RAB8B: variants seen among roughly 807,000 people sequenced by gnomAD.
The protein encoded by RAB8B is ras-related protein Rab-8B.
A neutral mutation model predicts 32.0 loss-of-function variants in RAB8B; 11 were observed. That is an observed-to-expected ratio of 0.34 (90% CI 0.22 to 0.57). The LOEUF is 0.57. Ranked by LOEUF, RAB8B falls within the 20% of genes least tolerant of loss-of-function variation. The pLI, the probability that RAB8B is intolerant of heterozygous loss-of-function variation, is 0.86. For synonymous variants in RAB8B, 103 were observed against 89.6 expected (o/e 1.15, Z -0.85); for missense variants, 190 against 258.5 (o/e 0.73, Z 1.82).
chr15:63,236,131 G>A (rs1426715404), intron 1 of RAB8B, among the ~76,000 whole-genome samples: 2 of 152,042 alleles, frequency 1.3e-5, no homozygotes, highest in Non-Finnish European at 2.9e-5. Flanking sequence ...GATCTCTAAA[G>A]TACTTCTCAA....
chr15:63,264,815 A>T lies in RAB8B; in HGVS notation c.*1196A>T, dbSNP rs1173178145. The T allele has an allele frequency of 6.6e-6, 1 of 152,466 alleles. No individual in the cohort carries two copies. Among genetic ancestry groups the T allele is most frequent in the Non-Finnish European group, 1.5e-5 (1 of 68,050 alleles). 9.4% of individuals were successfully genotyped at this position (152,466 alleles called of 1,614,324 possible). A position where few individuals can be genotyped will look rare whatever the true frequency, so the allele number is the denominator to read the frequency against. ...TTGCCTTTTCATTAGAGAAAACAGG[A>T]CCAAGGTTTCAGTTTTCAAACAGCT... On this transcript the variant is annotated 3_prime_UTR_variant, in exon 8 of 8. Transcript: ENST00000321437.
intron 6 of RAB8B, among the ~76,000 whole-genome samples, chr15:63,261,124 C>T (rs548354307): frequency 6.6e-6 from 1 of 152,280 alleles, no homozygotes; most frequent in South Asian, 2.1e-4. Context: ...TCTGAATAGA[C>T]ATTTCTCAAA....
At chr15:63,243,192 C>T (rs1205204742) in intron 1 of RAB8B, among the ~76,000 whole-genome samples, 1 of 152,194 alleles carries the variant, frequency 6.6e-6, no homozygotes, top group Non-Finnish European at 1.5e-5. Flanking sequence ...ACTTAGGCAG[C>T]AATGCAAGTA....
At chr15:63,224,293 G>A (rs1281173183) in intron 1 of RAB8B, among the ~76,000 whole-genome samples, 20 of 152,176 alleles carry the variant, frequency 1.3e-4, no homozygotes, top group Admixed American at 6.5e-5. Context: ...AGATATTTAT[G>A]TATATTTAAA....
At chr15:63,235,930 C>T (rs2037975303) in intron 1 of RAB8B, among the ~76,000 whole-genome samples, 1 of 152,064 alleles carries the variant, frequency 6.6e-6, no homozygotes, top group South Asian at 2.1e-4. Context: ...ATACTATGAC[C>T]CTTAAAGAGG....
Position 63,248,932 on chromosome 15 carries a change from C to G in RAB8B, c.186-713C>G, listed in dbSNP as rs543312907. Among the ~76,000 whole-genome samples the G allele has an allele frequency of 6.6e-6, 1 of 152,192 alleles. No homozygotes were observed. The highest frequency in any genetic ancestry group is 2.4e-5 in the African/African-American group (1 of 41,506). On this transcript the variant is annotated intron_variant, in intron 2 of 7. Coordinates refer to ENST00000321437, the MANE Select transcript of RAB8B (RefSeq NM_016530.3). This position sits in a 1 kb window ranked among gnomAD's most constrained non-coding sequence, Gnocchi z 4.4. ...TCAAGTATCAAGGAAATTTAACTTC[C>G]TTTATAGGATTGCTTCTATAAATGA...
chr15:63,225,392 C>G (rs187864317), intron 1 of RAB8B, among the ~76,000 whole-genome samples: 113 of 152,288 alleles, frequency 7.4e-4, no homozygotes, highest in African/African-American at 2.7e-3. Flanking sequence ...ATTTTTATTG[C>G]TGTCATATAT....
chr15:63,257,073 A>G (rs547499470), intron 5 of RAB8B, among the ~76,000 whole-genome samples: 2 of 152,212 alleles, frequency 1.3e-5, no homozygotes, highest in East Asian at 1.9e-4. Context: ...CAAGCTATGG[A>G]TGTCATTTAT....
At chr15:63,238,664 T>C (rs1298933023) in intron 1 of RAB8B, among the ~76,000 whole-genome samples, 1 of 152,182 alleles carries the variant, frequency 6.6e-6, no homozygotes, top group Non-Finnish European at 1.5e-5. Context: ...GGATATATAA[T>C]AGGTATATAA....
chr15:63,202,084 T>A (rs1595733616), intron 1 of RAB8B, among the ~76,000 whole-genome samples: 1 of 93,032 alleles, frequency 1.1e-5, no homozygotes, highest in Non-Finnish European at 2.0e-5. Context: ...AAACCCCGTC[T>A]CTACTAAAAA....
chr15:63,234,882 A>C (rs1214620599), intron 1 of RAB8B, among the ~76,000 whole-genome samples: 4 of 152,168 alleles, frequency 2.6e-5, no homozygotes, highest in African/African-American at 9.7e-5. Flanking sequence ...CACTCCCAAC[A>C]GTGACCCAAA....
chr15:63,255,175 T>G (rs1439438489), intron 3 of RAB8B, among the ~76,000 whole-genome samples: 1 of 152,224 alleles, frequency 6.6e-6, no homozygotes, highest in Non-Finnish European at 1.5e-5. Context: ...CTCAATGTTA[T>G]CGCTGTTTTG....
chr15:63,205,392 G>T, intron 1 of RAB8B, among the ~76,000 whole-genome samples: 1 of 152,156 alleles, frequency 6.6e-6, no homozygotes, highest in East Asian at 1.9e-4. Context: ...CAGCTATTCA[G>T]GAGGCTGAAG....
At position 63,263,704 on chromosome 15, in the gene RAB8B, C is replaced by A; in HGVS notation, c.*85C>A. On this transcript the variant is annotated 3_prime_UTR_variant, in exon 8 of 8. Coordinates refer to ENST00000321437, the MANE Select transcript of RAB8B (RefSeq NM_016530.3). Reference sequence around the variant, plus strand: ...CACAGGTCACCCAGCCTCAGAATCACACCTCCCGGCTGCTGCTGAGAGCAC... The same window carrying A: ...CACAGGTCACCCAGCCTCAGAATCAAACCTCCCGGCTGCTGCTGAGAGCAC... 1 of 1,076,280 alleles carries A rather than the reference C, an allele frequency of 9.3e-7. No homozygotes were observed. Among genetic ancestry groups the A allele is most frequent in the Non-Finnish European group, 1.4e-6 (1 of 709,898 alleles). 66.7% of individuals were successfully genotyped at this position (1,076,280 alleles called of 1,614,324 possible). A position where few individuals can be genotyped will look rare whatever the true frequency, so the allele number is the denominator to read the frequency against.
Position 63,264,785 on chromosome 15 carries a change from A to T in RAB8B, c.*1166A>T, listed in dbSNP as rs2038232053. 6.6e-6 allele frequency: 1 copy of T among 152,284 alleles called. No individual in the cohort carries two copies. The highest frequency in any genetic ancestry group is 1.9e-4 in the East Asian group (1 of 5,206). 9.4% of individuals were successfully genotyped at this position (152,284 alleles called of 1,614,324 possible). On this transcript the variant is annotated 3_prime_UTR_variant, in exon 8 of 8. Transcript: ENST00000321437. ...TTAGACCTAGTGCAGCCTCTAGGAA[A>T]AGTCTTGCCTTTTCATTAGAGAAAA...
At chr15:63,247,927 G>A (rs1021212813) in intron 2 of RAB8B, among the ~76,000 whole-genome samples, 2 of 152,184 alleles carry the variant, frequency 1.3e-5, no homozygotes, top group African/African-American at 2.4e-5. Flanking sequence ...TGTTATGAAG[G>A]TTACTATAGG....
rs142293164 is a variant in RAB8B, at chr15:63,249,310, G to A, written c.186-335G>A. Among the ~76,000 whole-genome samples the A allele has an allele frequency of 3.0e-3, 462 of 152,156 alleles. 5 individuals are homozygous for A. Among genetic ancestry groups the A allele is most frequent in the African/African-American group, 0.01 (434 of 41,510 alleles). On this transcript the variant is annotated intron_variant, in intron 2 of 7. Coordinates refer to ENST00000321437, the MANE Select transcript of RAB8B (RefSeq NM_016530.3). The stretch of plus-strand genomic sequence containing the variant: ...AGGATTATAACTATCTCGGGGAGTC[G>A]AAGAATTTAGAACTATTCTCTATTC...
Position 63,265,733 on chromosome 15 carries a change from T to A in RAB8B, c.*2114T>A, listed in dbSNP as rs1332491474. The A allele has an allele frequency of 6.6e-6, 1 of 152,570 alleles. No individual in the cohort carries two copies. Among genetic ancestry groups the A allele is most frequent in the Non-Finnish European group, 1.5e-5 (1 of 67,972 alleles). The allele number at this position is 152,570 out of a possible 1,614,324, so 9.5% of individuals were successfully genotyped here. A position where few individuals can be genotyped will look rare whatever the true frequency, so the allele number is the denominator to read the frequency against. On this transcript the variant is annotated 3_prime_UTR_variant, in exon 8 of 8. Transcript: ENST00000321437. This position sits in a 1 kb window ranked among gnomAD's most constrained non-coding sequence, Gnocchi z 4.9. ...AACCAAAACTGACATATTCTGTGGTTAGCTTTTATTACTTTTTTTTTTAAC... is the reference window on the plus strand; with the variant it reads ...AACCAAAACTGACATATTCTGTGGTAAGCTTTTATTACTTTTTTTTTTAAC...
intron 2 of RAB8B, among the ~76,000 whole-genome samples, chr15:63,246,692 A>G (rs567819521): frequency 7.2e-5 from 11 of 152,106 alleles, no homozygotes; most frequent in Non-Finnish European, 1.6e-4. Context: ...TTATATAGCC[A>G]TGATTGATTG....
Sources: allele counts gnomAD v4.1 joint callset (sites outside exome capture counted in the v4.1 genomes callset), GRCh38; gene constraint gnomAD v4.1.1; non-coding constraint Gnocchi (gnomAD v3.1); transcripts MANE v1.5; gene names NCBI Gene and HGNC (gene_info 2026-07-23, HGNC 2026-07-21).